CUX1: variants seen among roughly 807,000 people sequenced by gnomAD.
The protein encoded by CUX1 is cut like homeobox 1, also known as protein CASP.
CUX1 carries 31 observed loss-of-function variants against 158.8 expected under a neutral mutation model. The ratio of observed to expected loss-of-function variants is 0.20; its 90% CI spans 0.15 to 0.26. The LOEUF (loss-of-function observed/expected upper bound fraction) is 0.26. Among genes scored for constraint, CUX1 ranks in the 10% least tolerant of loss-of-function variants. CUX1 has a pLI of 1.00. For synonymous variants in CUX1, 879 were observed against 862.1 expected, an observed-to-expected ratio of 1.02 and a Z score of -0.34; for missense variants, 1,589 against 2,014.6, an observed-to-expected ratio of 0.79 and a Z score of 4.04.
chr7:101,817,092 GCA>G (rs1463525772), upstream of CUX1: 13 of 984,520 alleles, frequency 1.3e-5, no homozygotes, highest in African/African-American at 1.6e-4. The surrounding 1 kb of genome is among the most constrained non-coding windows in gnomAD (Gnocchi z 4.1). Flanking sequence ...TGCCCCGCGC[GCA>G]GTGTCGCTGG....
chr7:102,195,594 G>A lies in CUX1; in HGVS notation c.1213G>A (p.Asp405Asn), dbSNP rs781899952. ...CGCCGCGCTGCGCATCTCCAACAGC[G>A]ACCTGAGCGGTAGGTTGGCCGGGCT... ...ENAALRISNS[D>N]LSGSARRKGK... is the part of the protein sequence containing the mutation. The change falls in exon 14 of 24, where the codon GAC (aspartate) becomes AAC (asparagine). Residue 405 changes from aspartate (D) to asparagine (N), a missense_variant. Around this residue, in one of 8 missense-constraint regions of CUX1, gnomAD observed 515 missense variants for 574.4 expected, o/e 0.90. Coordinates refer to ENST00000292535, the MANE Select transcript of CUX1 (RefSeq NM_181552.4). 1.9e-5 allele frequency: 31 copies of A among 1,607,420 alleles called. No individual in the cohort carries two copies. Among genetic ancestry groups the A allele is most frequent in the Non-Finnish European group, 2.5e-5 (30 of 1,177,862 alleles).
intron 2 of CUX1, among the ~76,000 whole-genome samples, chr7:101,954,310 A>G (rs1018565287): frequency 6.6e-6 from 1 of 152,234 alleles, no homozygotes; most frequent in Non-Finnish European, 1.5e-5. Context: ...TGATGGTGCC[A>G]CTGCACTCCA....
At chr7:101,923,571 G>C (rs1037186653) in intron 2 of CUX1, among the ~76,000 whole-genome samples, 15 of 152,194 alleles carry the variant, frequency 9.9e-5, no homozygotes, top group African/African-American at 3.6e-4. Context: ...GAGGAGAGCC[G>C]AGCTGCGGCT....
Position 102,274,462 on chromosome 7 carries a change from C to T in CUX1, c.1450+152C>T, listed in dbSNP as rs566630729. ...AATGCAGCAGCAACCTTCAAAGGGT[C>T]GGGTAAGGCTAGGTGTGGTGGCGCA... On this transcript the variant is annotated intron_variant, in intron 16 of 22. Coordinates refer to the CUX1 transcript ENST00000292538. The T allele has an allele frequency of 8.5e-5, 54 of 632,700 alleles. No homozygotes were observed. The African/African-American group carries it at 9.0e-4, about 11-fold the overall frequency. 39.2% of individuals were successfully genotyped at this position (632,700 alleles called of 1,614,324 possible).
At chr7:101,837,288 A>G (rs1794734055) in intron 1 of CUX1, among the ~76,000 whole-genome samples, 1 of 152,202 alleles carries the variant, frequency 6.6e-6, no homozygotes. Context: ...AAGCAATTAC[A>G]ATGGTTAATA....
chr7:102,151,231 A>G (rs1554503488), intron 8 of CUX1, among the ~76,000 whole-genome samples: 1 of 152,120 alleles, frequency 6.6e-6, no homozygotes, highest in Non-Finnish European at 1.5e-5. Context: ...GGGAGGAGGC[A>G]GCAGTTTGGA....
In CUX1 at chr7:102,255,110, C is replaced by T. The variant is rs1351830311; in HGVS notation, c.*6068C>T. 9.1e-6 allele frequency: 9 copies of T among 985,292 alleles called. No individual in the cohort carries two copies. The highest frequency in any genetic ancestry group is 7.0e-5 in the African/African-American group (4 of 57,180). The allele number at this position is 985,292 out of a possible 1,614,324, so 61.0% of individuals were successfully genotyped here. Reference sequence around the variant, plus strand: ...CCAGTCTTCCCAATCCCAGAGGCCCCGGCGGCCTGTGCTCCTCACCACCCT... The same window carrying T: ...CCAGTCTTCCCAATCCCAGAGGCCCTGGCGGCCTGTGCTCCTCACCACCCT... On this transcript the variant is annotated 3_prime_UTR_variant, in exon 24 of 24. Transcript: ENST00000292535.
intron 1 of CUX1, among the ~76,000 whole-genome samples, chr7:101,849,923 T>TC (rs1209878999): frequency 2.8e-5 from 3 of 108,832 alleles, no homozygotes; most frequent in Admixed American, 8.5e-5. Context: ...TTTTTTTTTT[T>TC]TTTTTTTTTT....
In CUX1 at chr7:102,201,145, A is replaced by G. The variant is rs1308933642; in HGVS notation, c.2063-215A>G. 6.6e-6 allele frequency among the ~76,000 whole-genome samples: 1 copy of G among 151,816 alleles called. No individual in the cohort carries two copies. The highest frequency in any genetic ancestry group is 2.4e-5 in the African/African-American group (1 of 41,296). On this transcript the variant is annotated intron_variant, in intron 17 of 23. Transcript: ENST00000292535. This position sits in a 1 kb window ranked among gnomAD's most constrained non-coding sequence, Gnocchi z 5.0. ...CCCTCTACATCTGTGTGTATACCAA[A>G]GGCCACCAGGTCATCAAGCTGTAGT...
intron 14 of CUX1, chr7:102,273,314 C>G: frequency 6.3e-7 from 1 of 1,592,560 alleles, no homozygotes; most frequent in South Asian, 1.1e-5. Flanking sequence ...GGGGAGGGCA[C>G]CAAGGGTCCC....
intron 1 of CUX1, among the ~76,000 whole-genome samples, chr7:101,890,198 G>A (rs1800724819): frequency 6.6e-6 from 1 of 152,222 alleles, no homozygotes; most frequent in African/African-American, 2.4e-5. Flanking sequence ...GGGTTGACGG[G>A]GAGCCCTGAA....
intron 2 of CUX1, among the ~76,000 whole-genome samples, chr7:101,958,654 A>G (rs1467433860): frequency 6.7e-6 from 1 of 149,740 alleles, no homozygotes; most frequent in Non-Finnish European, 1.5e-5. Flanking sequence ...CTAATTTTGT[A>G]TTTTCAGTAG....
At chr7:102,237,097 A>G (rs781895780) in intron 22 of CUX1, among the ~76,000 whole-genome samples, 1 of 151,090 alleles carries the variant, frequency 6.6e-6, no homozygotes, top group African/African-American at 2.4e-5. Flanking sequence ...GGACAATCCA[A>G]CTCCTTTCTC....
intron 11 of CUX1, among the ~76,000 whole-genome samples, chr7:102,184,769 C>G (rs1793466648): frequency 6.6e-6 from 1 of 152,166 alleles, no homozygotes; most frequent in Non-Finnish European, 1.5e-5. Context: ...ACTTTAGCCT[C>G]CCAAGTAGCT....
intron 7 of CUX1, among the ~76,000 whole-genome samples, chr7:102,113,373 C>T (rs144434542): frequency 0.015 from 2,303 of 152,254 alleles, 49 homozygotes; most frequent in African/African-American, 0.051. Flanking sequence ...AGTGATTTTC[C>T]TGCCTCAGCC....
intron 1 of CUX1, among the ~76,000 whole-genome samples, chr7:101,839,294 C>T (rs988317346): frequency 5.3e-5 from 8 of 152,164 alleles, no homozygotes; most frequent in Admixed American, 5.2e-4. Flanking sequence ...GTATCTGACC[C>T]CCCTCCCCCA....
At chr7:101,885,546 G>A (rs913929990) in intron 1 of CUX1, among the ~76,000 whole-genome samples, 3 of 152,116 alleles carry the variant, frequency 2.0e-5, no homozygotes, top group East Asian at 1.9e-4. Flanking sequence ...GCGACAGAGC[G>A]AGACCCTGTC....
At chr7:102,031,637 C>T (rs1400174182) in intron 3 of CUX1, among the ~76,000 whole-genome samples, 1 of 151,940 alleles carries the variant, frequency 6.6e-6, no homozygotes, top group Non-Finnish European at 1.5e-5. Flanking sequence ...TTTATCAAGC[C>T]TCCGCTAATT....
At position 102,244,512 on chromosome 7, in the gene CUX1, A is replaced by G. The variant is rs908260725; in HGVS notation, c.3888-3900A>G. On this transcript the variant is annotated intron_variant, in intron 23 of 23. Transcript: ENST00000292535. ...CAGGAGTTTGAGACCAGACTGGGCA[A>G]CATAGTGAGACCACGTCTACAAAAA... Among the ~76,000 whole-genome samples, 4 of 118,656 alleles carry G rather than the reference A, an allele frequency of 3.4e-5. No individual in the cohort carries two copies. The South Asian group carries it at 1.3e-3, about 38-fold the overall frequency. The allele number at this position is 118,656 out of a possible 152,430, so 77.8% of individuals were successfully genotyped here.
Sources: allele counts gnomAD v4.1 joint callset (sites outside exome capture counted in the v4.1 genomes callset), GRCh38; gene constraint gnomAD v4.1.1; regional missense constraint gnomAD v4.1.1; non-coding constraint Gnocchi (gnomAD v3.1); transcripts MANE v1.5; gene names NCBI Gene and HGNC (gene_info 2026-07-23, HGNC 2026-07-21).